PCDHA1: variants seen among roughly 807,000 people sequenced by gnomAD.
PCDHA1 encodes the protein protocadherin alpha-1.
In PCDHA1, 42 loss-of-function variants were observed where a neutral mutation model predicts 61.3. That is an observed-to-expected ratio of 0.69 (90% CI 0.54 to 0.89). The LOEUF (loss-of-function observed/expected upper bound fraction) is 0.89. Among genes scored for constraint, PCDHA1 ranks in the 40% least tolerant of loss-of-function variants. The probability of loss-of-function intolerance (pLI) is 0.00; values close to 1 mark genes in which losing one functional copy is unlikely to be tolerated. For missense variants in PCDHA1, 1,256 were observed against 1,235.3 expected (o/e 1.02, Z -0.25); for synonymous variants, 610 against 553.8 (o/e 1.10, Z -1.43).
chr5:140,995,334 T>C (rs2097677447), intron 3 of PCDHA1, among the ~76,000 whole-genome samples: 1 of 152,184 alleles, frequency 6.6e-6, no homozygotes, highest in Non-Finnish European at 1.5e-5. Context: ...GTGAGTAGTG[T>C]AGACGGCATG....
At chr5:140,828,562 G>A in intron 1 of PCDHA1, 5 of 1,614,232 alleles carry the variant, frequency 3.1e-6, no homozygotes, top group Non-Finnish European at 4.2e-6. Context: ...TGGAGGGCGC[G>A]TCCGATGCAG....
At chr5:140,967,921 C>G (rs781932025) in intron 1 of PCDHA1, 1 of 1,614,172 alleles carries the variant, frequency 6.2e-7, no homozygotes, top group East Asian at 2.2e-5. Flanking sequence ...CCATTGTGGC[C>G]GTTCTCAGTG....
Position 140,945,638 on chromosome 5 carries a change from A to G in PCDHA1, c.2395-33311A>G, listed in dbSNP as rs187448798. ...CATGGTACTGGCATAAAAGACATGTAGACCAATGGAGCAGAATACAGCTCC... is the reference window on the plus strand; with the variant it reads ...CATGGTACTGGCATAAAAGACATGTGGACCAATGGAGCAGAATACAGCTCC... On this transcript the variant is annotated intron_variant, in intron 1 of 3. Transcript: ENST00000504120. 2.6e-5 allele frequency among the ~76,000 whole-genome samples: 4 copies of G among 152,300 alleles called. No homozygotes were observed. The East Asian group carries it at 5.8e-4, about 22-fold the overall frequency.
chr5:140,823,213 G>A, intron 1 of PCDHA1: 1 of 1,613,778 alleles, frequency 6.2e-7, no homozygotes, highest in Non-Finnish European at 8.5e-7. Flanking sequence ...GTCTGCACGG[G>A]ACGCGGACGC....
chr5:140,822,825 C>T, intron 1 of PCDHA1: 1 of 1,614,132 alleles, frequency 6.2e-7, no homozygotes, highest in Non-Finnish European at 8.5e-7. Flanking sequence ...CAGAGATGGC[C>T]ATAACCACCC....
chr5:140,849,574 A>G (rs2150440972), intron 1 of PCDHA1: 1 of 1,598,696 alleles, frequency 6.3e-7, no homozygotes, highest in East Asian at 2.2e-5. Context: ...GTTCCTGTAA[A>G]AGAGGACGCA....
chr5:140,848,811 C>T (rs2150421189), intron 1 of PCDHA1: 1 of 1,591,760 alleles, frequency 6.3e-7, no homozygotes, highest in Non-Finnish European at 8.6e-7. Flanking sequence ...CAGCATCCAC[C>T]TGGAGGTGAT....
intron 1 of PCDHA1, among the ~76,000 whole-genome samples, chr5:140,886,698 C>A (rs578140955): frequency 2.0e-5 from 3 of 151,820 alleles, no homozygotes; most frequent in Non-Finnish European, 4.4e-5. Flanking sequence ...TGGTGGCACG[C>A]GCCTGTAATC....
chr5:140,803,739 G>A (rs182945871), intron 1 of PCDHA1: 5 of 1,397,772 alleles, frequency 3.6e-6, no homozygotes, highest in Non-Finnish European at 4.8e-6. Flanking sequence ...TGGTTAAAAC[G>A]GTAAGATTTT....
intron 1 of PCDHA1, chr5:140,827,950 A>T: frequency 7.9e-7 from 1 of 1,270,912 alleles, no homozygotes; most frequent in Non-Finnish European, 1.1e-6. Context: ...CCAACATTCA[A>T]ATTTCTTCTA....
intron 1 of PCDHA1, chr5:140,841,090 C>T: frequency 1.8e-6 from 1 of 559,860 alleles, no homozygotes; most frequent in East Asian, 3.0e-5. Flanking sequence ...CATAGAAGAA[C>T]CCAGATATTG....
At chr5:140,797,577 T>A (rs543030616) in intron 1 of PCDHA1, 2 of 636,884 alleles carry the variant, frequency 3.1e-6, no homozygotes, top group East Asian at 2.8e-5. Flanking sequence ...ACTTCCATCA[T>A]TAAGTCATAA....
At chr5:140,968,467 A>G (rs2153771249) in intron 1 of PCDHA1, 1 of 1,614,124 alleles carries the variant, frequency 6.2e-7, no homozygotes, top group Non-Finnish European at 8.5e-7. Flanking sequence ...CTGCCAACGT[A>G]TATGTGGTGG....
intron 1 of PCDHA1, among the ~76,000 whole-genome samples, chr5:140,945,624 C>T (rs1248945489): frequency 6.6e-6 from 1 of 152,028 alleles, no homozygotes; most frequent in African/African-American, 2.4e-5. Flanking sequence ...ATGGTACTGG[C>T]ATAAAAGACA....
In PCDHA1 at chr5:140,955,830, T is replaced by G. The variant is rs564870909; in HGVS notation, c.2395-23119T>G. Among the ~76,000 whole-genome samples, 9 of 152,318 alleles carry G rather than the reference T, an allele frequency of 5.9e-5. No individual in the cohort carries two copies. The South Asian group carries it at 1.9e-3, about 32-fold the overall frequency. Reference sequence around the variant, plus strand: ...TGTCCACTGTGATTTCCTTGAGCAGTGGTTTGTCATTCTCCTTGAAGAGGT... The same window carrying G: ...TGTCCACTGTGATTTCCTTGAGCAGGGGTTTGTCATTCTCCTTGAAGAGGT... On this transcript the variant is annotated intron_variant, in intron 1 of 3. Coordinates refer to ENST00000504120, the MANE Select transcript of PCDHA1 (RefSeq NM_018900.4).
intron 1 of PCDHA1, among the ~76,000 whole-genome samples, chr5:140,901,260 T>G (rs1554189701): frequency 1.3e-5 from 2 of 152,190 alleles, no homozygotes; most frequent in African/African-American, 2.4e-5. Flanking sequence ...CCTGTGATTG[T>G]GGGGTATTAC....
chr5:140,786,459 G>A lies in PCDHA1; in HGVS notation c.169G>A (p.Ala57Thr). Residue 57 changes from alanine (A) to threonine (T), a missense_variant, in exon 1 of 4, where the codon GCG becomes ACG. Transcript: ENST00000504120. ...RVAQDLGLEL[A>T]ELVPRLFRVA... ...TGCTCAGGACCTGGGACTGGAGCTGGCGGAGCTGGTGCCTCGCCTGTTCCG... is the reference window on the plus strand; with the variant it reads ...TGCTCAGGACCTGGGACTGGAGCTGACGGAGCTGGTGCCTCGCCTGTTCCG... The A allele has an allele frequency of 6.2e-7, 1 of 1,613,578 alleles. No homozygotes were observed. Among genetic ancestry groups the A allele is most frequent in the Non-Finnish European group, 8.5e-7 (1 of 1,180,038 alleles).
intron 1 of PCDHA1, among the ~76,000 whole-genome samples, chr5:140,931,196 A>T (rs1279027493): frequency 1.3e-5 from 2 of 152,182 alleles, no homozygotes; most frequent in Non-Finnish European, 2.9e-5. Flanking sequence ...GTGCACTACA[A>T]TGCTAGTATT....
chr5:140,927,418 C>T (rs1296760547), intron 1 of PCDHA1: 3 of 1,614,106 alleles, frequency 1.9e-6, no homozygotes, highest in Admixed American at 1.7e-5. Flanking sequence ...CATGGGATCG[C>T]GGGTTGACGG....
Sources: allele counts gnomAD v4.1 joint callset (sites outside exome capture counted in the v4.1 genomes callset), GRCh38; gene constraint gnomAD v4.1.1; transcripts MANE v1.5; gene names NCBI Gene and HGNC (gene_info 2026-07-23, HGNC 2026-07-21).